The following EFCAB11 variants were observed in gnomAD, a reference collection of about 807,000 sequenced individuals.
EFCAB11 encodes EF-hand calcium-binding domain-containing protein 11.
EFCAB11 carries 14 observed loss-of-function variants against 23.0 expected under a neutral mutation model. That is an observed-to-expected ratio of 0.61 (90% CI 0.40 to 0.95). EFCAB11 has a LOEUF of 0.95. EFCAB11 is among the 40% of genes least tolerant of loss of function. The pLI, the probability that EFCAB11 is intolerant of heterozygous loss-of-function variation, is 0.00. For synonymous variants in EFCAB11, 65 were observed against 66.6 expected (o/e 0.98, Z 0.11); for missense variants, 198 against 195.8 (o/e 1.01, Z -0.07).
intron 5 of EFCAB11, among the ~76,000 whole-genome samples, chr14:89,891,931 C>T (rs1192568071): frequency 6.6e-6 from 1 of 152,074 alleles, no homozygotes; most frequent in Non-Finnish European, 1.5e-5. Flanking sequence ...CCACGGTGGG[C>T]GCCGAGTGCT....
chr14:89,867,272 T>C (rs1047315349), intron 5 of EFCAB11, among the ~76,000 whole-genome samples: 2 of 152,188 alleles, frequency 1.3e-5, no homozygotes, highest in African/African-American at 4.8e-5. Context: ...ATATAGGCAG[T>C]CCCTACATTT....
At chr14:89,941,980 C>T (rs1890811304) in intron 3 of EFCAB11, among the ~76,000 whole-genome samples, 1 of 152,120 alleles carries the variant, frequency 6.6e-6, no homozygotes, top group Non-Finnish European at 1.5e-5. Context: ...ATCATGAGGG[C>T]TGACTTCCCC....
intron 5 of EFCAB11, among the ~76,000 whole-genome samples, chr14:89,908,366 A>G (rs760334626): frequency 3.3e-5 from 5 of 152,212 alleles, no homozygotes; most frequent in Non-Finnish European, 5.9e-5. Context: ...GAAGTTAAGT[A>G]ACTTGCCCTG....
At chr14:89,822,144 G>A (rs1367274851) in intron 5 of EFCAB11, among the ~76,000 whole-genome samples, 1 of 151,766 alleles carries the variant, frequency 6.6e-6, no homozygotes, top group Non-Finnish European at 1.5e-5. Context: ...TAAAACACTG[G>A]AGCTTCTGGT....
Position 89,797,952 on chromosome 14 carries a change from G to A in EFCAB11, c.411-628C>T, listed in dbSNP as rs556005509. Among the ~76,000 whole-genome samples the A allele has an allele frequency of 3.9e-5, 6 of 152,164 alleles. 1 individual carries two copies. The South Asian group carries it at 1.2e-3, about 32-fold the overall frequency. ...CATCTCAATTAAGAAAAAAAAAAGTGTGTTTGAAAGCATAACTGGTGAGTA... is the reference window on the plus strand; with the variant it reads ...CATCTCAATTAAGAAAAAAAAAAGTATGTTTGAAAGCATAACTGGTGAGTA... On this transcript the variant is annotated intron_variant, in intron 5 of 5. Coordinates refer to ENST00000316738, the MANE Select transcript of EFCAB11 (RefSeq NM_145231.4).
At chr14:89,800,841 G>A (rs1885753241) in intron 5 of EFCAB11, among the ~76,000 whole-genome samples, 1 of 151,856 alleles carries the variant, frequency 6.6e-6, no homozygotes, top group Admixed American at 6.6e-5. Context: ...TCAGGAGTTC[G>A]AGACCAGCCT....
intron 5 of EFCAB11, among the ~76,000 whole-genome samples, chr14:89,867,348 T>C (rs1488339737): frequency 2.0e-5 from 3 of 152,220 alleles, no homozygotes; most frequent in Non-Finnish European, 4.4e-5. Flanking sequence ...AGCCAATCCC[T>C]GGTCCTCCCC....
At chr14:89,846,595 T>C (rs1887439582) in intron 5 of EFCAB11, among the ~76,000 whole-genome samples, 1 of 152,184 alleles carries the variant, frequency 6.6e-6, no homozygotes, top group Non-Finnish European at 1.5e-5. Flanking sequence ...CTCTGTACAT[T>C]AATTGATCAA....
At chr14:89,855,036 A>G (rs921271170) in intron 5 of EFCAB11, among the ~76,000 whole-genome samples, 4 of 152,184 alleles carry the variant, frequency 2.6e-5, no homozygotes, top group African/African-American at 7.2e-5. Flanking sequence ...GAATCCCTGG[A>G]AAAATGGGAA....
intron 5 of EFCAB11, among the ~76,000 whole-genome samples, chr14:89,921,826 T>C (rs1345697458): frequency 2.0e-5 from 3 of 152,252 alleles, no homozygotes; most frequent in Admixed American, 1.3e-4. Context: ...TACTTTGTCA[T>C]GGCATTTTAA....
intron 5 of EFCAB11, among the ~76,000 whole-genome samples, chr14:89,827,560 A>C (rs1261552470): frequency 6.6e-6 from 1 of 151,574 alleles, no homozygotes; most frequent in Non-Finnish European, 1.5e-5. Flanking sequence ...TGGAGCCCAG[A>C]GACAGTTGAA....
chr14:89,821,473 T>C (rs1886517569), intron 5 of EFCAB11, among the ~76,000 whole-genome samples: 1 of 152,178 alleles, frequency 6.6e-6, no homozygotes, highest in African/African-American at 2.4e-5. Flanking sequence ...ATGGCTCCTA[T>C]GCTTATAAAA....
chr14:89,805,296 C>G (rs1162200151), intron 5 of EFCAB11, among the ~76,000 whole-genome samples: 1 of 152,204 alleles, frequency 6.6e-6, no homozygotes, highest in East Asian at 1.9e-4. Flanking sequence ...CTGGCCTTAA[C>G]CAATGACTGT....
intron 5 of EFCAB11, among the ~76,000 whole-genome samples, chr14:89,882,782 T>C (rs1445665105): frequency 6.6e-6 from 1 of 152,116 alleles, no homozygotes; most frequent in African/African-American, 2.4e-5. Context: ...CAGCTACCGC[T>C]ATGGTTTGGA....
intron 5 of EFCAB11, among the ~76,000 whole-genome samples, chr14:89,812,236 T>C (rs79860928): frequency 0.046 from 7,077 of 152,250 alleles, 256 homozygotes; most frequent in East Asian, 0.17. Context: ...TAACTAGAAA[T>C]ACCTTAATAA....
intron 5 of EFCAB11, among the ~76,000 whole-genome samples, chr14:89,828,900 CT>C (rs1886796528): frequency 6.6e-6 from 1 of 152,164 alleles, no homozygotes; most frequent in Non-Finnish European, 1.5e-5. Flanking sequence ...TCAAGCACTA[CT>C]TTTCAGTGCC....
In EFCAB11 at chr14:89,849,472, G is replaced by A. The variant is rs191024100; in HGVS notation, c.411-52148C>T. On this transcript the variant is annotated intron_variant, in intron 5 of 5. Transcript: ENST00000316738. ...GTAGGGAAGAATGCACATCTACATG[G>A]AAAAGAATCTAAAAAGTTAGTGTCT... Among the ~76,000 whole-genome samples, 35 of 152,322 alleles carry A rather than the reference G, an allele frequency of 2.3e-4. No individual in the cohort carries two copies. The East Asian group carries it at 5.6e-3, about 24-fold the overall frequency.
chr14:89,813,642 C>G (rs1315158462), intron 5 of EFCAB11, among the ~76,000 whole-genome samples: 1 of 151,872 alleles, frequency 6.6e-6, no homozygotes, highest in Admixed American at 6.6e-5. Context: ...CTCCCACCCC[C>G]TGCCCCACCT....
At chr14:89,861,802 G>T (rs1887932283) in intron 5 of EFCAB11, among the ~76,000 whole-genome samples, 1 of 151,974 alleles carries the variant, frequency 6.6e-6, no homozygotes, top group Admixed American at 6.6e-5. Flanking sequence ...CTTCTGCCAT[G>T]TTATGATGCA....
Sources: allele counts gnomAD v4.1 joint callset (sites outside exome capture counted in the v4.1 genomes callset), GRCh38; gene constraint gnomAD v4.1.1; transcripts MANE v1.5; gene names NCBI Gene and HGNC (gene_info 2026-07-23, HGNC 2026-07-21).